The following MIGA2 variants were observed in gnomAD, a reference collection of about 807,000 sequenced individuals.
The protein encoded by MIGA2 is family with sequence similarity 73, member B.
Under a neutral mutation model 69.9 loss-of-function variants are expected in MIGA2, and 36 were observed. The observed-to-expected ratio is 0.52, with a 90% CI of 0.39 to 0.68. The LOEUF (loss-of-function observed/expected upper bound fraction) is 0.68. Ranked by LOEUF, MIGA2 falls within the 30% of genes least tolerant of loss-of-function variation. The probability of loss-of-function intolerance (pLI) is 0.00; values close to 1 mark genes in which losing one functional copy is unlikely to be tolerated. For missense variants in MIGA2, 660 were observed against 787.7 expected (o/e 0.84, Z 1.94); for synonymous variants, 333 against 349.2 (o/e 0.95, Z 0.52).
Position 129,068,953 on chromosome 9 carries a change from C to T in MIGA2, c.1405-123C>T. On this transcript the variant is annotated intron_variant, in intron 13 of 15. Coordinates refer to ENST00000684074, the MANE Select transcript of MIGA2 (RefSeq NM_001329990.2). The surrounding 1 kb of genome is among the most constrained non-coding windows in gnomAD (Gnocchi z 4.1). Reference sequence around the variant, plus strand: ...AAGCAGCAGAGCTTAGGCACCTGGCCCCATCTTCCTGCTTGGAGTGGGGTG... The same window carrying T: ...AAGCAGCAGAGCTTAGGCACCTGGCTCCATCTTCCTGCTTGGAGTGGGGTG... The T allele has an allele frequency of 3.7e-6, 4 of 1,081,804 alleles. No homozygotes were observed. The highest frequency in any genetic ancestry group is 5.7e-6 in the Non-Finnish European group (4 of 705,798). 67.0% of individuals were successfully genotyped at this position (1,081,804 alleles called of 1,614,324 possible).
At chr9:129,057,178 T>C (rs996117029) in intron 6 of MIGA2, among the ~76,000 whole-genome samples, 1 of 152,246 alleles carries the variant, frequency 6.6e-6, no homozygotes, top group African/African-American at 2.4e-5. Context: ...GCATTTTTTT[T>C]CCAGAATAGG....
intron 11 of MIGA2, among the ~76,000 whole-genome samples, chr9:129,064,496 CG>C (rs1374879178): frequency 6.6e-6 from 1 of 151,062 alleles, no homozygotes; most frequent in African/African-American, 2.4e-5. Context: ...CATGAGCCAC[CG>C]TGCCTGGCCT....
chr9:129,046,551 A>G (rs1459591624), intron 3 of MIGA2, among the ~76,000 whole-genome samples: 1 of 150,102 alleles, frequency 6.7e-6, no homozygotes, highest in East Asian at 2.0e-4. Context: ...TCCGCCTTCC[A>G]GATTCAAGCA....
intron 1 of MIGA2, chr9:129,039,770 T>G (rs1844800389): frequency 6.1e-6 from 1 of 164,736 alleles, no homozygotes; most frequent in Admixed American, 6.3e-5. Flanking sequence ...GAGACTGAGT[T>G]TTGCTCTTCT....
At chr9:129,046,823 G>A (rs899920427) in intron 3 of MIGA2, among the ~76,000 whole-genome samples, 1 of 151,446 alleles carries the variant, frequency 6.6e-6, no homozygotes, top group Non-Finnish European at 1.5e-5. Context: ...CTGTTGCCCA[G>A]GTTGGAATGC....
chr9:129,044,298 C>T (rs1170174193), intron 3 of MIGA2, among the ~76,000 whole-genome samples: 1 of 151,590 alleles, frequency 6.6e-6, no homozygotes, highest in Non-Finnish European at 1.5e-5. Flanking sequence ...GCCCCTTCTT[C>T]TACTCTTTTT....
chr9:129,063,591 G>T lies in MIGA2; in HGVS notation c.1130G>T (p.Gly377Val), dbSNP rs1441884621. ...AACCAGCTTTTCTTCGGGAAAGTGGGCCGACAGATGGTGACAGGCCTGATG... is the reference window on the plus strand; with the variant it reads ...AACCAGCTTTTCTTCGGGAAAGTGGTCCGACAGATGGTGACAGGCCTGATG... ...KSNQLFFGKV[G>V]RQMVTGLMTK... Residue 377 changes from glycine to valine, a missense_variant, in exon 11 of 16, where the codon GGC (glycine) becomes GTC (valine). This residue lies in a region of MIGA2 where 220 missense variants were observed against 301.7 expected (regional missense o/e 0.73). Transcript: ENST00000684074. The T allele has an allele frequency of 6.8e-7, 1 of 1,480,136 alleles. No individual in the cohort carries two copies. Among genetic ancestry groups the T allele is most frequent in the South Asian group, 1.1e-5 (1 of 89,692 alleles). The allele number at this position is 1,480,136 out of a possible 1,614,324, so 91.7% of individuals were successfully genotyped here.
chr9:129,062,348 T>C (rs1022931700), intron 9 of MIGA2, among the ~76,000 whole-genome samples: 6 of 151,540 alleles, frequency 4.0e-5, no homozygotes, highest in African/African-American at 1.2e-4. Flanking sequence ...CTGGCCAATA[T>C]GGTGTAAACC....
At chr9:129,043,740 A>G (rs539104128) in intron 3 of MIGA2, among the ~76,000 whole-genome samples, 1 of 148,922 alleles carries the variant, frequency 6.7e-6, no homozygotes, top group African/African-American at 2.5e-5. Flanking sequence ...ACTCTCTGTC[A>G]CCCGGGCTGG....
At position 129,049,957 on chromosome 9, in the gene MIGA2, G is replaced by C. The variant is rs1040386826; in HGVS notation, c.669G>C (p.Leu223=). 3.1e-6 allele frequency: 5 copies of C among 1,612,034 alleles called. No individual in the cohort carries two copies. Among genetic ancestry groups the C allele is most frequent in the Admixed American group, 1.7e-5 (1 of 59,508 alleles). The change falls in exon 6 of 16, where the codon CTG becomes CTC. Residue 223 remains leucine (L), a synonymous_variant. Coordinates refer to ENST00000684074, the MANE Select transcript of MIGA2 (RefSeq NM_001329990.2). ...ACCCAGAGACTGCATCAGAGCCACT[G>C]TCTGAGGTAGGTGGTCTTCTGCATC... ...LRNPETASEP[L]SEPESQRKEF...
At chr9:129,040,741 C>G in intron 2 of MIGA2, 51 bp downstream of exon 2, 1 of 1,521,780 alleles carries the variant, frequency 6.6e-7, no homozygotes, top group African/African-American at 1.4e-5. Flanking sequence ...CTTCCATGCT[C>G]AGCCAAGGGC....
chr9:129,054,659 C>T (rs1845706719), intron 6 of MIGA2, among the ~76,000 whole-genome samples: 1 of 152,162 alleles, frequency 6.6e-6, no homozygotes, highest in South Asian at 2.1e-4. Context: ...CAGAGTGCTT[C>T]CAAGGTTCAT....
intron 3 of MIGA2, among the ~76,000 whole-genome samples, chr9:129,045,371 G>A (rs960764363): frequency 2.0e-5 from 3 of 147,394 alleles, no homozygotes; most frequent in African/African-American, 7.6e-5. Context: ...GAACCCGGGA[G>A]GCAGAGGTTG....
rs888775497 is a variant in MIGA2, at chr9:129,059,060, C to T, written c.676-94C>T. 11 of 1,120,732 alleles carry T rather than the reference C, an allele frequency of 9.8e-6. No homozygotes were observed. The highest frequency in any genetic ancestry group is 1.5e-5 in the Non-Finnish European group (11 of 749,154). The allele number at this position is 1,120,732 out of a possible 1,614,324, so 69.4% of individuals were successfully genotyped here. On this transcript the variant is annotated intron_variant, in intron 6 of 15. Transcript: ENST00000684074. The surrounding 1 kb of genome is among the most constrained non-coding windows in gnomAD (Gnocchi z 5.6). Reference sequence around the variant, plus strand: ...GCTTAGCTGCTGGGTCCTAGAGCTCCTCCCCTTTCCCCAGGGACCTGGGGG... The same window carrying T: ...GCTTAGCTGCTGGGTCCTAGAGCTCTTCCCCTTTCCCCAGGGACCTGGGGG...
chr9:129,037,979 C>T lies in MIGA2; in HGVS notation c.-144+1298C>T, dbSNP rs17508286. Among the ~76,000 whole-genome samples, 1,231 of 152,246 alleles carry T rather than the reference C, an allele frequency of 8.1e-3. 14 individuals are homozygous for T. Among genetic ancestry groups the T allele is most frequent in the African/African-American group, 0.028 (1,151 of 41,532 alleles). ...TGAGAGGACTGGACCCAAAGCCTGT[C>T]GTGGAGAGCCTGTTCTGGATCTGGC... On this transcript the variant is annotated intron_variant, in intron 1 of 15. Coordinates refer to ENST00000684074, the MANE Select transcript of MIGA2 (RefSeq NM_001329990.2).
rs1027245359 is a variant in MIGA2, at chr9:129,060,260, C to T, written c.794-290C>T. ...TTGGGCCTTCAGGCCTCAGGTCCAG[C>T]GGTGCAACCTGTGAGCCTGGCAGAG... On this transcript the variant is annotated intron_variant, in intron 7 of 15. Coordinates refer to ENST00000684074, the MANE Select transcript of MIGA2 (RefSeq NM_001329990.2). This position sits in a 1 kb window ranked among gnomAD's most constrained non-coding sequence, Gnocchi z 4.8. Among the ~76,000 whole-genome samples, 1 of 152,208 alleles carries T rather than the reference C, an allele frequency of 6.6e-6. No individual in the cohort carries two copies. The highest frequency in any genetic ancestry group is 1.5e-5 in the Non-Finnish European group (1 of 68,040).
At position 129,060,631 on chromosome 9, in the gene MIGA2, CCTT is replaced by C. The variant is rs1846019720; in HGVS notation, c.881_883del (p.Phe294del). The stretch of plus-strand genomic sequence containing the variant: ...GAGGACAGCCTGACTTCAGAGGATT[CCTT>C]CTTCTCCGCCACCGAGGTGACTCGG... On this transcript the variant is annotated inframe_deletion, in exon 8 of 16. Transcript: ENST00000684074. This position sits in a 1 kb window ranked among gnomAD's most constrained non-coding sequence, Gnocchi z 4.8. The C allele has an allele frequency of 2.5e-6, 4 of 1,599,404 alleles. No individual in the cohort carries two copies. The African/African-American group carries it at 4.0e-5, about 16-fold the overall frequency.
At chr9:129,048,102 A>G (rs1312675932) in intron 3 of MIGA2, among the ~76,000 whole-genome samples, 1 of 152,228 alleles carries the variant, frequency 6.6e-6, no homozygotes, top group African/African-American at 2.4e-5. Context: ...TCTCTCAATC[A>G]GCAGCCCAGA....
intron 1 of MIGA2, among the ~76,000 whole-genome samples, chr9:129,037,914 T>C (rs1844678639): frequency 6.6e-6 from 1 of 152,098 alleles, no homozygotes; most frequent in Non-Finnish European, 1.5e-5. Flanking sequence ...CCTCCGCGTT[T>C]CCCCATCCTT....
Sources: gnomAD v4.1 joint callset for allele counts (sites outside exome capture counted in the v4.1 genomes callset) on GRCh38, gnomAD v4.1.1 for gene constraint, gnomAD v4.1.1 regional missense constraint, Gnocchi (gnomAD v3.1) non-coding constraint, MANE v1.5 for transcripts, NCBI Gene and HGNC (gene_info 2026-07-23, HGNC 2026-07-21) for gene names.